TG: variants seen among roughly 807,000 people sequenced by gnomAD.
TG encodes thyroid hormones.
A neutral mutation model predicts 324.7 loss-of-function variants in TG; 270 were observed. The ratio of observed to expected loss-of-function variants is 0.83; its 90% CI spans 0.75 to 0.92. TG has a LOEUF of 0.92. TG is among the 40% of genes least tolerant of loss of function. TG has a pLI of 0.00. For missense variants in TG, 3,591 were observed against 3,456.4 expected (o/e 1.04, Z -0.98); for synonymous variants, 1,401 against 1,327.0 (o/e 1.06, Z -1.21).
At chr8:133,032,256 T>C (rs1025981358) in intron 41 of TG, among the ~76,000 whole-genome samples, 1 of 152,232 alleles carries the variant, frequency 6.6e-6, no homozygotes, top group Admixed American at 6.5e-5. Flanking sequence ...TTTTCTGCAA[T>C]CTGTCCCTCC....
At chr8:132,991,087 A>G (rs1281992704) in intron 35 of TG, among the ~76,000 whole-genome samples, 1 of 151,248 alleles carries the variant, frequency 6.6e-6, no homozygotes, top group Non-Finnish European at 1.5e-5. Flanking sequence ...TAAAATTGTT[A>G]TGGCCTCACG....
chr8:133,050,755 T>C, intron 41 of TG: 2 of 1,108,878 alleles, frequency 1.8e-6, no homozygotes. Context: ...TCAAATACTT[T>C]TCTCCCAAAC....
intron 38 of TG, among the ~76,000 whole-genome samples, chr8:133,018,228 G>C (rs1239362354): frequency 3.3e-5 from 5 of 150,324 alleles, no homozygotes; most frequent in Non-Finnish European, 6.0e-5. Flanking sequence ...GGAGGGGCCT[G>C]TATGCTCTGC....
intron 27 of TG, among the ~76,000 whole-genome samples, chr8:132,960,120 C>G (rs1379726140): frequency 6.6e-6 from 1 of 152,166 alleles, no homozygotes; most frequent in Non-Finnish European, 1.5e-5. Context: ...TTGGTAGGCG[C>G]AGCACACCAC....
intron 34 of TG, among the ~76,000 whole-genome samples, chr8:132,982,814 A>C (rs1198447619): frequency 1.3e-5 from 2 of 152,352 alleles, no homozygotes; most frequent in Non-Finnish European, 2.9e-5. Context: ...TCACAGAGTC[A>C]GTAAGTGATA....
intron 35 of TG, among the ~76,000 whole-genome samples, chr8:133,010,367 A>G (rs1834400943): frequency 1.3e-5 from 2 of 152,250 alleles, no homozygotes; most frequent in South Asian, 4.1e-4. Flanking sequence ...TGATCGCCAT[A>G]GTGTTCTGCT....
In TG at chr8:132,893,689, G is replaced by A. The variant is rs1319575850; in HGVS notation, c.2762-1G>A. On this transcript the variant is annotated splice_acceptor_variant, in intron 10 of 47. Coordinates refer to ENST00000220616, the MANE Select transcript of TG (RefSeq NM_003235.5). LOFTEE classifies it high-confidence loss of function. ...CATCTGTGTTATTTTTATTCCCCTA[G>A]GTCCTGGCTCCTGTGAGGAAGCAAA... The A allele has an allele frequency of 6.2e-7, 1 of 1,613,746 alleles. No individual in the cohort carries two copies. The highest frequency in any genetic ancestry group is 1.1e-5 in the South Asian group (1 of 91,066).
chr8:132,887,263 T>C lies in TG; in HGVS notation c.1891T>C (p.Cys631Arg). 6.2e-7 allele frequency: 1 copy of C among 1,602,566 alleles called. No individual in the cohort carries two copies. Among genetic ancestry groups the C allele is most frequent in the Non-Finnish European group, 8.5e-7 (1 of 1,173,380 alleles). ...TTEGSYEDVQ[C>R]FSGECWCVNS... Reference sequence around the variant, plus strand: ...AGAAGGAAGCTATGAGGATGTCCAATGCTTTTCCGGAGAGTGCTGGTGTGT... The same window carrying C: ...AGAAGGAAGCTATGAGGATGTCCAACGCTTTTCCGGAGAGTGCTGGTGTGT... Residue 631 changes from cysteine to arginine, a missense_variant, in exon 9 of 48, where the codon TGC becomes CGC. Transcript: ENST00000220616.
At chr8:133,004,074 A>T (rs983076410) in intron 35 of TG, among the ~76,000 whole-genome samples, 1 of 152,232 alleles carries the variant, frequency 6.6e-6, no homozygotes, top group African/African-American at 2.4e-5. Context: ...CTATCTGGTC[A>T]CAGAGGAAAG....
intron 10 of TG, 60 bp downstream of exon 10, chr8:132,888,628 T>C (rs988299110): frequency 1.4e-6 from 2 of 1,455,148 alleles, no homozygotes; most frequent in Non-Finnish European, 1.8e-6. Flanking sequence ...TGTGTATGTG[T>C]GTTTAACATA....
At chr8:133,035,360 C>T (rs1431717113) in intron 41 of TG, among the ~76,000 whole-genome samples, 1 of 151,758 alleles carries the variant, frequency 6.6e-6, no homozygotes, top group African/African-American at 2.4e-5. Context: ...AATTTTATTG[C>T]TTTATTATCA....
intron 10 of TG, among the ~76,000 whole-genome samples, chr8:132,889,968 G>C (rs1192531190): frequency 6.6e-6 from 1 of 151,910 alleles, no homozygotes; most frequent in Non-Finnish European, 1.5e-5. Context: ...TTTTAGTAGA[G>C]ACGGGGTTTC....
At chr8:133,062,172 T>C (rs1842457340) in intron 41 of TG, among the ~76,000 whole-genome samples, 1 of 152,104 alleles carries the variant, frequency 6.6e-6, no homozygotes, top group Non-Finnish European at 1.5e-5. Context: ...CCCTTGCAAA[T>C]TTGAGGCTCG....
At chr8:132,983,554 G>A (rs1831168256) in intron 35 of TG, 142 bp downstream of exon 35, 1 of 849,116 alleles carries the variant, frequency 1.2e-6, no homozygotes, top group African/African-American at 1.7e-5. Flanking sequence ...TTAAACACAT[G>A]TATAAGTGGG....
At chr8:132,964,692 G>A (rs1828287098) in intron 29 of TG, 2 of 570,146 alleles carry the variant, frequency 3.5e-6, no homozygotes, top group African/African-American at 1.9e-5. Flanking sequence ...ATAAGATGAA[G>A]TGGCTACAGT....
At chr8:132,903,724 C>A (rs1296430428) in intron 16 of TG, among the ~76,000 whole-genome samples, 1 of 152,180 alleles carries the variant, frequency 6.6e-6, no homozygotes, top group Non-Finnish European at 1.5e-5. Context: ...TGACTCACTG[C>A]AGACTGTGAT....
intron 41 of TG, among the ~76,000 whole-genome samples, chr8:133,072,445 G>A (rs1479478243): frequency 2.0e-5 from 3 of 152,144 alleles, no homozygotes; most frequent in Non-Finnish European, 2.9e-5. Flanking sequence ...TAGATGGATA[G>A]ATGGATAGAT....
At position 132,919,541 on chromosome 8, in the gene TG, T is replaced by A; in HGVS notation, c.4528+16T>A. The A allele has an allele frequency of 6.2e-7, 1 of 1,613,452 alleles. No individual in the cohort carries two copies. Among genetic ancestry groups the A allele is most frequent in the Non-Finnish European group, 8.5e-7 (1 of 1,179,796 alleles). ...CAGACTCACTGTAAGTTCTGTGGAG[T>A]GCTTCTTTGAAAGAAAAGCCCTGCA... On this transcript the variant is annotated intron_variant, in intron 21 of 47. Coordinates refer to ENST00000220616, the MANE Select transcript of TG (RefSeq NM_003235.5).
intron 10 of TG, among the ~76,000 whole-genome samples, chr8:132,891,586 T>G (rs561001854): frequency 6.6e-6 from 1 of 152,316 alleles, no homozygotes; most frequent in East Asian, 1.9e-4. Context: ...CTGTCTGCCT[T>G]GGCCTCCCAA....
Sources: gnomAD v4.1 joint callset for allele counts (sites outside exome capture counted in the v4.1 genomes callset) on GRCh38, gnomAD v4.1.1 for gene constraint, MANE v1.5 for transcripts, NCBI Gene and HGNC (gene_info 2026-07-23, HGNC 2026-07-21) for gene names.